PLEKHA6: variants seen among roughly 807,000 people sequenced by gnomAD.
PLEKHA6 encodes the protein pleckstrin homology domain containing A6.
Under a neutral mutation model 116.7 loss-of-function variants are expected in PLEKHA6, and 60 were observed. The observed-to-expected ratio is 0.51, with a 90% CI of 0.42 to 0.64. The LOEUF is 0.64. PLEKHA6 is among the 30% of genes least tolerant of loss of function. The pLI, the probability that PLEKHA6 is intolerant of heterozygous loss-of-function variation, is 0.00. For synonymous variants in PLEKHA6, 489 were observed against 556.1 expected, an observed-to-expected ratio of 0.88 and a Z score of 1.70; for missense variants, 1,338 against 1,422.7, an observed-to-expected ratio of 0.94 and a Z score of 0.96.
At chr1:204,375,176 G>A (rs564737636) in intron 1 of PLEKHA6, among the ~76,000 whole-genome samples, 3 of 151,596 alleles carry the variant, frequency 2.0e-5, no homozygotes, top group East Asian at 1.9e-4. Context: ...CTTTTCCCTC[G>A]CACTCTTCTG....
chr1:204,313,136 C>T (rs1671727079), intron 1 of PLEKHA6, among the ~76,000 whole-genome samples: 1 of 143,904 alleles, frequency 6.9e-6, no homozygotes, highest in African/African-American at 2.5e-5. Context: ...CCAGGCCAGT[C>T]TTGAACTCCT....
rs78602419 is a variant in PLEKHA6 at position 204,333,817 on chromosome 1, A to T, written c.-95+25877T>A. ...TCCTTCTCAGGCTATGCAGTTAGCA[A>T]CCCACTTCCAGACCGGGCAAGTTCA... On this transcript the variant is annotated intron_variant, in intron 1 of 22. Coordinates refer to ENST00000272203, the MANE Select transcript of PLEKHA6 (RefSeq NM_014935.5). Among the ~76,000 whole-genome samples the T allele has an allele frequency of 3.9e-3, 592 of 152,326 alleles. 2 individuals carry two copies. Among genetic ancestry groups the T allele is most frequent in the African/African-American group, 0.014 (571 of 41,574 alleles).
At chr1:204,347,894 A>G (rs1673123641) in intron 1 of PLEKHA6, among the ~76,000 whole-genome samples, 1 of 152,124 alleles carries the variant, frequency 6.6e-6, no homozygotes, top group African/African-American at 2.4e-5. Context: ...CACAGTGTAA[A>G]TCAGCTCTTC....
chr1:204,368,012 C>CT (rs1673694097), intron 2 of PLEKHA6, among the ~76,000 whole-genome samples: 1 of 152,210 alleles, frequency 6.6e-6, no homozygotes, highest in Non-Finnish European at 1.5e-5. Flanking sequence ...CCATTCCATC[C>CT]TTTTTTGTCC....
intron 3 of PLEKHA6, among the ~76,000 whole-genome samples, chr1:204,366,383 A>AGAGGAGGAGGAGAAG (rs1186215951): frequency 2.0e-5 from 3 of 152,144 alleles, no homozygotes; most frequent in South Asian, 4.1e-4. Context: ...AAGAGGAGAA[A>AGAGGAGGAGGAGAAG]GAGGAGGAGG....
At chr1:204,311,671 T>C in intron 1 of PLEKHA6, 7 of 972,886 alleles carry the variant, frequency 7.2e-6, no homozygotes, top group Non-Finnish European at 8.6e-6. Flanking sequence ...TCATCAACTC[T>C]TTGGAACTGA....
At chr1:204,320,094 C>T (rs1210037442) in intron 1 of PLEKHA6, among the ~76,000 whole-genome samples, 1 of 152,214 alleles carries the variant, frequency 6.6e-6, no homozygotes, top group Non-Finnish European at 1.5e-5. Flanking sequence ...TAAGACACTG[C>T]TGCCCCATCA....
chr1:204,348,096 G>C (rs745840596), intron 1 of PLEKHA6, among the ~76,000 whole-genome samples: 18 of 152,192 alleles, frequency 1.2e-4, no homozygotes, highest in Non-Finnish European at 2.2e-4. Context: ...ACATGTTACA[G>C]AGGCACCAAG....
intron 3 of PLEKHA6, among the ~76,000 whole-genome samples, chr1:204,269,629 G>A (rs1404018999): frequency 6.6e-6 from 1 of 151,658 alleles, no homozygotes; most frequent in Non-Finnish European, 1.5e-5. Context: ...GAAATTTGAG[G>A]CTATTAGACA....
intron 1 of PLEKHA6, among the ~76,000 whole-genome samples, chr1:204,357,181 A>T (rs1460854410): frequency 6.6e-6 from 1 of 152,242 alleles, no homozygotes; most frequent in Non-Finnish European, 1.5e-5. Flanking sequence ...GATTCAACAT[A>T]GAAGAATGTT....
At chr1:204,369,837 C>T in intron 2 of PLEKHA6, 1 of 152,216 alleles carries the variant, frequency 6.6e-6, no homozygotes, top group East Asian at 1.9e-4. Flanking sequence ...AAGGTGACAC[C>T]ACCATCAACC....
rs1572184767 is a variant in PLEKHA6, at chr1:204,326,975, G to A, written c.-95+32719C>T. 4.1e-6 allele frequency: 4 copies of A among 985,116 alleles called. No homozygotes were observed. In the South Asian group the frequency reaches 1.4e-4, roughly 35 times the overall value. The allele number at this position is 985,116 out of a possible 1,614,324, so 61.0% of individuals were successfully genotyped here. On this transcript the variant is annotated intron_variant, in intron 1 of 22. Transcript: ENST00000272203. ...CAGGGAGTGGTCCAGGCAGAAGCGC[G>A]CTGGGTACGGCAGCCTCTGTAGTAG...
intron 1 of PLEKHA6, among the ~76,000 whole-genome samples, chr1:204,336,092 T>C (rs375370661): frequency 8.6e-5 from 13 of 152,034 alleles, no homozygotes; most frequent in African/African-American, 3.1e-4. Context: ...AAGACACAGG[T>C]CCCCAACCAC....
chr1:204,245,623 T>C lies in PLEKHA6; in HGVS notation c.2024A>G (p.Lys675Arg). 1 of 1,607,116 alleles carries C rather than the reference T, an allele frequency of 6.2e-7. No individual in the cohort carries two copies. Among genetic ancestry groups the C allele is most frequent in the Non-Finnish European group, 8.5e-7 (1 of 1,174,006 alleles). ...NNPSRGTDTA[K>R]HRGGLGPSAT... ...GCACAGGAGGCACCCACCTCTGTGC[T>C]TGGCGGTGTCCGTGCCCCGGGAGGG... The change falls in exon 14 of 23, where the codon AAG (lysine) becomes AGG (arginine). Residue 675 changes from lysine (K) to arginine (R), a missense_variant. Physicochemically the swap from Lys to Arg is conservative, Grantham distance 26 (BLOSUM62 2). Coordinates refer to ENST00000272203, the MANE Select transcript of PLEKHA6 (RefSeq NM_014935.5).
intron 1 of PLEKHA6, among the ~76,000 whole-genome samples, chr1:204,284,020 T>C (rs1558136198): frequency 6.6e-6 from 1 of 152,240 alleles, no homozygotes; most frequent in African/African-American, 2.4e-5. Context: ...GCTGTTCCAG[T>C]TGGGATGCTG....
chr1:204,272,306 T>G (rs1024850259), intron 3 of PLEKHA6, among the ~76,000 whole-genome samples: 6 of 152,138 alleles, frequency 3.9e-5, no homozygotes, highest in African/African-American at 1.2e-4. Context: ...TGCATCTGAC[T>G]CCCTCTGTCT....
At chr1:204,311,190 G>T (rs1671645334) in intron 1 of PLEKHA6, among the ~76,000 whole-genome samples, 1 of 152,204 alleles carries the variant, frequency 6.6e-6, no homozygotes. Flanking sequence ...CTGCTCCATT[G>T]TTGAAGAGTG....
chr1:204,331,115 A>T (rs567341459), intron 1 of PLEKHA6, among the ~76,000 whole-genome samples: 1 of 150,690 alleles, frequency 6.6e-6, no homozygotes, highest in Non-Finnish European at 1.5e-5. Flanking sequence ...CAGGAGAATC[A>T]CTTGAACCAA....
intron 1 of PLEKHA6, among the ~76,000 whole-genome samples, chr1:204,338,172 G>A (rs1672719290): frequency 6.6e-6 from 1 of 152,158 alleles, no homozygotes; most frequent in South Asian, 2.1e-4. Context: ...ATGTCACTGT[G>A]CACATGTTAC....
Sources: allele counts gnomAD v4.1 joint callset (sites outside exome capture counted in the v4.1 genomes callset), GRCh38; gene constraint gnomAD v4.1.1; transcripts MANE v1.5; gene names NCBI Gene and HGNC (gene_info 2026-07-23, HGNC 2026-07-21).